Variants in ZNF521 observed in about 807,000 individuals in gnomAD.
ZNF521 encodes LYST-interacting protein 3.
In ZNF521, 14 loss-of-function variants were observed where a neutral mutation model predicts 105.5. The ratio of observed to expected loss-of-function variants is 0.13; its 90% CI spans 0.09 to 0.21. ZNF521 has a LOEUF of 0.21. Ranked by LOEUF, ZNF521 falls within the 10% of genes least tolerant of loss-of-function variation. The pLI is 1.00. For missense variants in ZNF521, 1,233 were observed against 1,629.7 expected (o/e 0.76, Z 4.19); for synonymous variants, 635 against 606.0 (o/e 1.05, Z -0.70).
At chr18:25,250,786 A>G (rs1422998790) in intron 3 of ZNF521, among the ~76,000 whole-genome samples, 1 of 152,216 alleles carries the variant, frequency 6.6e-6, no homozygotes, top group Non-Finnish European at 1.5e-5. Context: ...CCAACATATC[A>G]TTTAGCCATC....
At chr18:25,236,198 T>C (rs1399498706) in intron 3 of ZNF521, among the ~76,000 whole-genome samples, 1 of 152,222 alleles carries the variant, frequency 6.6e-6, no homozygotes, top group African/African-American at 2.4e-5. Context: ...CTCAGTTTTA[T>C]GCATTTAATG....
At chr18:25,303,892 T>G (rs780173890) in intron 3 of ZNF521, among the ~76,000 whole-genome samples, 1 of 152,204 alleles carries the variant, frequency 6.6e-6, no homozygotes, top group Non-Finnish European at 1.5e-5. Context: ...CAGAAATAGG[T>G]TGTTCAGGAA....
At chr18:25,159,518 A>C (rs1168009512) in intron 5 of ZNF521, among the ~76,000 whole-genome samples, 1 of 152,026 alleles carries the variant, frequency 6.6e-6, no homozygotes, top group African/African-American at 2.4e-5. Context: ...ACTAACAAAA[A>C]AAAACCATAG....
chr18:25,158,344 T>C (rs1467748480), intron 5 of ZNF521, among the ~76,000 whole-genome samples: 1 of 152,008 alleles, frequency 6.6e-6, no homozygotes, highest in Admixed American at 6.6e-5. Flanking sequence ...GAAGAAAACA[T>C]TCCAAAATGC....
intron 7 of ZNF521, among the ~76,000 whole-genome samples, chr18:25,069,346 CT>C (rs1274920105): frequency 6.6e-6 from 1 of 152,096 alleles, no homozygotes; most frequent in African/African-American, 2.4e-5. Context: ...CTTTAAGCAT[CT>C]TAATAAGGTT....
At chr18:25,075,484 G>A (rs1457137242) in intron 7 of ZNF521, among the ~76,000 whole-genome samples, 1 of 152,164 alleles carries the variant, frequency 6.6e-6, no homozygotes, top group Non-Finnish European at 1.5e-5. Context: ...CTGTGAGTTT[G>A]CTTAATAACA....
intron 2 of ZNF521, among the ~76,000 whole-genome samples, chr18:25,350,034 GGCCGAGGAGGAGGAGGAGGCC>G (rs1914656549): frequency 1.3e-5 from 2 of 151,916 alleles, no homozygotes; most frequent in Admixed American, 6.5e-5. Context: ...TGGAGGAGGC[GGCCGAGGAGGAGGAGGAGGCC>G]GCCACGTGAC....
intron 5 of ZNF521, among the ~76,000 whole-genome samples, chr18:25,151,475 C>T (rs1160709325): frequency 3.3e-5 from 5 of 152,156 alleles, no homozygotes; most frequent in African/African-American, 7.2e-5. Flanking sequence ...TTTTTACCCC[C>T]AATGATATGT....
At chr18:25,091,870 A>T in intron 6 of ZNF521, 80 bp downstream of exon 6, 1 of 1,538,894 alleles carries the variant, frequency 6.5e-7, no homozygotes, top group East Asian at 2.3e-5. Flanking sequence ...AGGCCATAGC[A>T]GTGGGAAGTA....
chr18:25,298,766 A>T lies in ZNF521; in HGVS notation c.220+23242T>A, dbSNP rs368452241. Among the ~76,000 whole-genome samples, 11 of 152,286 alleles carry T rather than the reference A, an allele frequency of 7.2e-5. No individual in the cohort carries two copies. In the East Asian group the frequency reaches 1.5e-3, roughly 21 times the overall value. On this transcript the variant is annotated intron_variant, in intron 3 of 7. Transcript: ENST00000361524. ...TATGCTTTAAAAAAAATCATTGGAG[A>T]AGGAAATACCATCTTATACTGTGAA...
intron 3 of ZNF521, among the ~76,000 whole-genome samples, chr18:25,233,714 G>A (rs1046802366): frequency 2.1e-5 from 3 of 144,794 alleles, no homozygotes; most frequent in Non-Finnish European, 4.5e-5. Context: ...AAAGAGGCTC[G>A]CTTTCCCCCA....
At chr18:25,303,298 G>T (rs111953306) in intron 3 of ZNF521, among the ~76,000 whole-genome samples, 9,616 of 122,118 alleles carry the variant, frequency 0.079, 369 homozygotes, top group African/African-American at 0.15. Flanking sequence ...GTGTGTGTGT[G>T]TGTGTGTGTG....
At chr18:25,276,828 T>C (rs1034017247) in intron 3 of ZNF521, among the ~76,000 whole-genome samples, 17 of 152,200 alleles carry the variant, frequency 1.1e-4, no homozygotes, top group African/African-American at 3.9e-4. Context: ...AAACACAATC[T>C]GTGATGGTTC....
At chr18:25,345,853 A>G (rs9964192) in intron 2 of ZNF521, among the ~76,000 whole-genome samples, 1,599 of 152,322 alleles carry the variant, frequency 0.01, 30 homozygotes, top group African/African-American at 0.033. Context: ...AGGAGTATGG[A>G]TGTCAAACAC....
chr18:25,174,408 C>T (rs2035499930), intron 5 of ZNF521, among the ~76,000 whole-genome samples: 1 of 152,172 alleles, frequency 6.6e-6, no homozygotes, highest in Non-Finnish European at 1.5e-5. Flanking sequence ...TCACTCCATT[C>T]CACGTGAACA....
intron 7 of ZNF521, among the ~76,000 whole-genome samples, chr18:25,065,142 G>A (rs776833756): frequency 6.6e-6 from 1 of 152,146 alleles, no homozygotes; most frequent in African/African-American, 2.4e-5. Flanking sequence ...TATACCTTTT[G>A]CTATCTCAGA....
At chr18:25,132,704 T>C (rs1374555508) in intron 5 of ZNF521, among the ~76,000 whole-genome samples, 1 of 152,196 alleles carries the variant, frequency 6.6e-6, no homozygotes, top group Non-Finnish European at 1.5e-5. Context: ...GCATTATTCC[T>C]GGAGCTATTT....
intron 5 of ZNF521, among the ~76,000 whole-genome samples, chr18:25,141,584 G>C (rs2034849026): frequency 6.6e-6 from 1 of 152,182 alleles, no homozygotes; most frequent in Non-Finnish European, 1.5e-5. Context: ...AGAGATGGAA[G>C]CCTGTGTGTA....
chr18:25,164,339 G>A (rs1166071612), intron 5 of ZNF521, among the ~76,000 whole-genome samples: 1 of 152,122 alleles, frequency 6.6e-6, no homozygotes, highest in East Asian at 1.9e-4. Context: ...CAATAGATGA[G>A]GTTAAGTGGT....
Sources: allele counts gnomAD v4.1 joint callset (sites outside exome capture counted in the v4.1 genomes callset), GRCh38; gene constraint gnomAD v4.1.1; transcripts MANE v1.5; gene names NCBI Gene and HGNC (gene_info 2026-07-23, HGNC 2026-07-21).